Variants in SEC24B observed in about 807,000 individuals in gnomAD.
SEC24B encodes SEC24 homolog B, COPII component, also known as protein transport protein Sec24B.
In SEC24B, 45 loss-of-function variants were observed where a neutral mutation model predicts 142.8. The ratio of observed to expected loss-of-function variants is 0.32; its 90% confidence interval spans 0.25 to 0.40. The LOEUF is 0.40. Ranked by LOEUF, SEC24B falls within the 10% of genes least tolerant of loss-of-function variation. The pLI is 1.00. For missense variants in SEC24B, 1,409 were observed against 1,526.8 expected (o/e 0.92, Z 1.29); for synonymous variants, 574 against 568.2 (o/e 1.01, Z -0.15).
intron 21 of SEC24B, among the ~76,000 whole-genome samples, chr4:109,533,064 A>G (rs1278068529): frequency 2.0e-5 from 3 of 152,258 alleles, no homozygotes; most frequent in Non-Finnish European, 4.4e-5. Context: ...GGACTTTACC[A>G]TCTAGAGTCT....
chr4:109,461,536 T>C (rs1178337935), intron 1 of SEC24B, among the ~76,000 whole-genome samples: 1 of 152,236 alleles, frequency 6.6e-6, no homozygotes. Context: ...TATATGCTAA[T>C]ACTTAAGGAT....
At chr4:109,497,591 A>G (rs1735666689) in intron 6 of SEC24B, among the ~76,000 whole-genome samples, 1 of 151,222 alleles carries the variant, frequency 6.6e-6, no homozygotes, top group African/African-American at 2.4e-5. Context: ...AGCATACCAT[A>G]TGTACTTGTG....
intron 1 of SEC24B, among the ~76,000 whole-genome samples, chr4:109,452,641 A>G (rs1192645262): frequency 1.3e-5 from 2 of 152,242 alleles, no homozygotes. Context: ...TTTCCTAATA[A>G]CTAATGATGA....
intron 4 of SEC24B, among the ~76,000 whole-genome samples, chr4:109,484,809 G>A (rs768189305): frequency 3.5e-5 from 5 of 144,714 alleles, no homozygotes; most frequent in Admixed American, 7.2e-5. Flanking sequence ...CCGAGATCAC[G>A]CCACTGCCCT....
At chr4:109,465,114 A>G (rs942927352) in intron 2 of SEC24B, among the ~76,000 whole-genome samples, 1 of 152,212 alleles carries the variant, frequency 6.6e-6, no homozygotes, top group African/African-American at 2.4e-5. Context: ...AGCTGTTTAA[A>G]AGACCATTCC....
At chr4:109,453,801 A>T (rs971184756) in intron 1 of SEC24B, among the ~76,000 whole-genome samples, 19 of 152,304 alleles carry the variant, frequency 1.2e-4, no homozygotes, top group Admixed American at 5.2e-4. Context: ...AATGTCTATG[A>T]GATCTTCACA....
intron 19 of SEC24B, among the ~76,000 whole-genome samples, chr4:109,530,895 C>CAAAAAAAAAAAA (rs35997146): frequency 4.3e-5 from 2 of 46,336 alleles, no homozygotes; most frequent in Admixed American, 2.8e-4. Flanking sequence ...GACTCCGTCT[C>CAAAAAAAAAAAA]AAAAAAAAAA....
intron 3 of SEC24B, among the ~76,000 whole-genome samples, chr4:109,475,408 G>T (rs1364570962): frequency 6.6e-6 from 1 of 152,148 alleles, no homozygotes; most frequent in Non-Finnish European, 1.5e-5. Flanking sequence ...CTACTAAAGT[G>T]ATTATACTTA....
intron 2 of SEC24B, among the ~76,000 whole-genome samples, chr4:109,467,435 G>A (rs1046690775): frequency 6.6e-6 from 1 of 151,366 alleles, no homozygotes; most frequent in Non-Finnish European, 1.5e-5. Flanking sequence ...GTGTCATTTC[G>A]TTAGGCCATT....
At chr4:109,506,728 T>G (rs909399696) in intron 7 of SEC24B, among the ~76,000 whole-genome samples, 1 of 152,164 alleles carries the variant, frequency 6.6e-6, no homozygotes, top group East Asian at 1.9e-4. Flanking sequence ...CACCTAATGT[T>G]AGGGAAATTA....
Position 109,450,524 on chromosome 4 carries a change from G to A in SEC24B, c.134-12377G>A, listed in dbSNP as rs562707642. Among the ~76,000 whole-genome samples the A allele has an allele frequency of 2.0e-5, 3 of 151,600 alleles. No homozygotes were observed. In the South Asian group the frequency reaches 6.3e-4, roughly 32 times the overall value. On this transcript the variant is annotated intron_variant, in intron 1 of 23. Coordinates refer to ENST00000265175, the MANE Select transcript of SEC24B (RefSeq NM_006323.5). ...AATACAAAAATTAGCTGGACGCAGTGGCAGGCACCTGTAATCCCAGCTACT... is the reference window on the plus strand; with the variant it reads ...AATACAAAAATTAGCTGGACGCAGTAGCAGGCACCTGTAATCCCAGCTACT...
At chr4:109,476,285 C>G (rs1733131216) in intron 3 of SEC24B, among the ~76,000 whole-genome samples, 1 of 152,126 alleles carries the variant, frequency 6.6e-6, no homozygotes, top group Non-Finnish European at 1.5e-5. Flanking sequence ...TGTGCCTGGC[C>G]AATCACTACA....
intron 4 of SEC24B, among the ~76,000 whole-genome samples, chr4:109,489,704 C>CT (rs558524729): frequency 1.2e-3 from 176 of 143,578 alleles, no homozygotes; most frequent in Middle Eastern, 7.6e-3. Context: ...TATATATGGT[C>CT]TTTTTTGTTT....
chr4:109,525,338 C>T lies in SEC24B; in HGVS notation c.2633-8C>T, dbSNP rs770333703. ...TATAGCTAATACTTTTTGTATTTCT[C>T]TCTAAAGCTTGCATGTCCAAGTATT... is the stretch of plus-strand genomic sequence containing the variant. On this transcript the variant is annotated splice_region_variant and splice_polypyrimidine_tract_variant and intron_variant, in intron 15 of 23. Coordinates refer to ENST00000265175, the MANE Select transcript of SEC24B (RefSeq NM_006323.5). 6.8e-5 allele frequency: 107 copies of T among 1,572,614 alleles called. No homozygotes were observed. The highest frequency in any genetic ancestry group is 8.8e-5 in the Non-Finnish European group (102 of 1,162,036).
rs1186561301 is a variant in SEC24B at position 109,526,347 on chromosome 4, A to G, written c.2913A>G (p.Thr971=). Residue 971 remains threonine, a synonymous_variant, in exon 17 of 24, where the codon ACA becomes ACG. Transcript: ENST00000265175. ...AGTTGTCAATTGAAGAAAGTTTAAC[A>G]GATACTTCCTTAGTATGTTTTCAAA... The part of the protein sequence containing the change: ...AVQLSIEESL[T]DTSLVCFQTA... 6.2e-7 allele frequency: 1 copy of G among 1,613,684 alleles called. No individual in the cohort carries two copies. Among genetic ancestry groups the G allele is most frequent in the Non-Finnish European group, 8.5e-7 (1 of 1,179,778 alleles).
chr4:109,457,889 C>A (rs1385822929), intron 1 of SEC24B, among the ~76,000 whole-genome samples: 2 of 152,220 alleles, frequency 1.3e-5, no homozygotes, highest in African/African-American at 4.8e-5. Context: ...TTCCCCAGAT[C>A]TTTAACCTAA....
At chr4:109,481,104 C>G (rs1733694884) in intron 3 of SEC24B, among the ~76,000 whole-genome samples, 1 of 151,944 alleles carries the variant, frequency 6.6e-6, no homozygotes, top group South Asian at 2.1e-4. Flanking sequence ...TAATAAGTCC[C>G]CCAGCCCCCC....
Position 109,521,483 on chromosome 4 carries a change from G to A in SEC24B, c.2365G>A (p.Ala789Thr). ...CACCAATACAAGAGAAACACACAGT[G>A]CCCTTGGTCCTGCACTTCAGGCTGC... ...MFTNTRETHS[A>T]LGPALQAAFK... The change falls in exon 14 of 24, where the codon GCC becomes ACC. Residue 789 changes from alanine to threonine, a missense_variant. Around this residue, in one of 2 missense-constraint regions of SEC24B, gnomAD observed 700 missense variants for 853.3 expected, o/e 0.82. Coordinates refer to ENST00000265175, the MANE Select transcript of SEC24B (RefSeq NM_006323.5). 1 of 1,614,158 alleles carries A rather than the reference G, an allele frequency of 6.2e-7. No homozygotes were observed. The highest frequency in any genetic ancestry group is 8.5e-7 in the Non-Finnish European group (1 of 1,180,018).
intron 2 of SEC24B, among the ~76,000 whole-genome samples, chr4:109,464,754 A>T (rs2125936829): frequency 6.6e-6 from 1 of 152,322 alleles, no homozygotes; most frequent in South Asian, 2.1e-4. Context: ...GGACAATGAG[A>T]TTATTTAAAA....
Sources: allele counts gnomAD v4.1 joint callset (sites outside exome capture counted in the v4.1 genomes callset), GRCh38; gene constraint gnomAD v4.1.1; regional missense constraint gnomAD v4.1.1; transcripts MANE v1.5; gene names NCBI Gene and HGNC (gene_info 2026-07-23, HGNC 2026-07-21).